The following NEK4 variants were observed in gnomAD, a reference collection of about 807,000 sequenced individuals.
NEK4 encodes the protein serine/threonine-protein kinase Nek4.
Under a neutral mutation model 98.4 loss-of-function variants are expected in NEK4, and 86 were observed. That is an observed-to-expected ratio of 0.87 (90% CI 0.73 to 1.05). The LOEUF (loss-of-function observed/expected upper bound fraction) is 1.05, where lower values mean the gene tolerates loss of function less well. Among genes scored for constraint, NEK4 ranks in the 50% least tolerant of loss-of-function variants. The pLI is 0.00. For synonymous variants in NEK4, 328 were observed against 342.2 expected (o/e 0.96, Z 0.46); for missense variants, 898 against 950.3 (o/e 0.94, Z 0.72).
chr3:52,751,728 C>A (rs1236677712), intron 7 of NEK4, among the ~76,000 whole-genome samples: 8 of 152,140 alleles, frequency 5.3e-5, no homozygotes, highest in Non-Finnish European at 2.9e-5. Flanking sequence ...ACAAATGTTG[C>A]CACGAGTTGT....
intron 12 of NEK4, among the ~76,000 whole-genome samples, chr3:52,742,955 AT>A (rs1297970465): frequency 2.6e-5 from 4 of 151,186 alleles, no homozygotes; most frequent in African/African-American, 4.9e-5. Context: ...TTGCCAGGTA[AT>A]TTTTTTTTCT....
rs1280896773 is a variant in NEK4 at position 52,710,088 on chromosome 3, C to G, written c.*1689G>C. On this transcript the variant is annotated 3_prime_UTR_variant, in exon 16 of 16. Transcript: ENST00000233027. Reference sequence around the variant, plus strand: ...ATAAAAATCTGTTAAGTGTGCCGGGCGCGGTGGCTCACGCCTGTAATCCCA... The same window carrying G: ...ATAAAAATCTGTTAAGTGTGCCGGGGGCGGTGGCTCACGCCTGTAATCCCA... 6.6e-6 allele frequency: 1 copy of G among 152,270 alleles called. No homozygotes were observed. Among genetic ancestry groups the G allele is most frequent in the Non-Finnish European group, 1.5e-5 (1 of 68,118 alleles). 9.4% of individuals were successfully genotyped at this position (152,270 alleles called of 1,614,324 possible). A position where few individuals can be genotyped will look rare whatever the true frequency, so the allele number is the denominator to read the frequency against.
At chr3:52,728,495 T>C (rs2097366578) in intron 15 of NEK4, among the ~76,000 whole-genome samples, 1 of 152,254 alleles carries the variant, frequency 6.6e-6, no homozygotes. Context: ...TTAATCCTGT[T>C]ATCTTCATAA....
intron 6 of NEK4, among the ~76,000 whole-genome samples, chr3:52,756,681 A>G (rs1222829894): frequency 2.0e-5 from 3 of 152,210 alleles, no homozygotes; most frequent in African/African-American, 7.2e-5. Context: ...AAGGCTTCAC[A>G]ACATTGGATT....
chr3:52,711,894 C>A, intron 15 of NEK4, 25 bp from the exon 16 acceptor site: 1 of 1,384,766 alleles, frequency 7.2e-7, no homozygotes, highest in East Asian at 2.3e-5. Flanking sequence ...AAAAGAAAAT[C>A]AATCAGTATG....
At chr3:52,763,691 G>A in intron 4 of NEK4, 67 bp from the exon 5 acceptor site, 9 of 1,208,444 alleles carry the variant, frequency 7.4e-6, no homozygotes, top group Non-Finnish European at 1.1e-5. Context: ...AGCTGGTAGA[G>A]GTTTCCCAAT....
At chr3:52,733,284 G>A (rs1035786896) in intron 15 of NEK4, 9 of 322,266 alleles carry the variant, frequency 2.8e-5, no homozygotes, top group African/African-American at 6.7e-5. Context: ...CCTTACAAAC[G>A]TAGTGACTGT....
At chr3:52,742,488 ATATAGT>A (rs2097388112) in intron 12 of NEK4, among the ~76,000 whole-genome samples, 1 of 152,190 alleles carries the variant, frequency 6.6e-6, no homozygotes, top group Non-Finnish European at 1.5e-5. Flanking sequence ...TAACTAAATG[ATATAGT>A]TAAAGAAATA....
At chr3:52,739,728 C>T in intron 13 of NEK4, 94 bp from the exon 14 acceptor site, 1 of 1,040,666 alleles carries the variant, frequency 9.6e-7, no homozygotes, top group Non-Finnish European at 1.5e-6. Flanking sequence ...GGGAATTATC[C>T]TTTGAAATGT....
intron 14 of NEK4, 131 bp from the exon 15 acceptor site, chr3:52,737,850 G>A (rs1031157152): frequency 5.9e-6 from 4 of 678,114 alleles, no homozygotes; most frequent in African/African-American, 1.8e-5. Context: ...GTCTTGCTCT[G>A]TCGCCCAGGC....
chr3:52,730,104 C>T (rs765221991), intron 15 of NEK4, among the ~76,000 whole-genome samples: 7 of 152,094 alleles, frequency 4.6e-5, no homozygotes, highest in Non-Finnish European at 8.8e-5. Flanking sequence ...GAGACTCTAT[C>T]TCAAAAATAA....
chr3:52,766,638 T>C (rs1698569224), intron 2 of NEK4, among the ~76,000 whole-genome samples: 1 of 152,238 alleles, frequency 6.6e-6, no homozygotes, highest in Non-Finnish European at 1.5e-5. Context: ...ATCAAAACTG[T>C]TCCCTGGTAG....
chr3:52,714,490 T>A (rs1226620783), intron 15 of NEK4, among the ~76,000 whole-genome samples: 1 of 152,140 alleles, frequency 6.6e-6, no homozygotes, highest in Non-Finnish European at 1.5e-5. Flanking sequence ...ACGCCCACCT[T>A]CGCATGGTCG....
intron 15 of NEK4, among the ~76,000 whole-genome samples, chr3:52,714,844 G>C (rs558800435): frequency 2.1e-4 from 32 of 152,332 alleles, no homozygotes; most frequent in Non-Finnish European, 3.8e-4. Flanking sequence ...GCCCAGGCGC[G>C]GTCAAAGCCT....
chr3:52,725,147 C>T (rs1419284622), intron 15 of NEK4, among the ~76,000 whole-genome samples: 4 of 152,116 alleles, frequency 2.6e-5, no homozygotes, highest in African/African-American at 4.8e-5. Context: ...TGCAATTTCA[C>T]GTTTTGTTTT....
chr3:52,737,740 C>A (rs768105372), intron 14 of NEK4, 21 bp from the exon 15 acceptor site: 4 of 1,582,408 alleles, frequency 2.5e-6, no homozygotes, highest in South Asian at 1.2e-5. Flanking sequence ...ACAACAAAGA[C>A]AAAGGGAAAA....
intron 15 of NEK4, among the ~76,000 whole-genome samples, chr3:52,735,912 C>T (rs2097375160): frequency 1.3e-5 from 2 of 152,184 alleles, no homozygotes; most frequent in Admixed American, 1.3e-4. Flanking sequence ...GGGGAAAGAA[C>T]TCTACTGGTG....
intron 6 of NEK4, among the ~76,000 whole-genome samples, chr3:52,755,398 T>A (rs2097413460): frequency 6.6e-6 from 1 of 151,998 alleles, no homozygotes; most frequent in Non-Finnish European, 1.5e-5. Context: ...ATATGTACTA[T>A]TAGACCACAT....
At chr3:52,740,333 G>A (rs577988844) in intron 13 of NEK4, among the ~76,000 whole-genome samples, 1 of 152,054 alleles carries the variant, frequency 6.6e-6, no homozygotes, top group East Asian at 1.9e-4. Flanking sequence ...ACATGAACAT[G>A]TTAAAGAGAG....
Sources: gnomAD v4.1 joint callset for allele counts (sites outside exome capture counted in the v4.1 genomes callset) on GRCh38, gnomAD v4.1.1 for gene constraint, MANE v1.5 for transcripts, NCBI Gene and HGNC (gene_info 2026-07-23, HGNC 2026-07-21) for gene names.